Variants in CRTC1 observed in about 807,000 individuals in gnomAD.
CRTC1 encodes CREB-regulated transcription coactivator 1.
A neutral mutation model predicts 66.1 loss-of-function variants in CRTC1; 18 were observed. That is an observed-to-expected ratio of 0.27 (90% CI 0.19 to 0.40). CRTC1 has a LOEUF of 0.40. Among genes scored for constraint, CRTC1 ranks in the 10% least tolerant of loss-of-function variants. The probability of loss-of-function intolerance (pLI) is 1.00; values close to 1 mark genes in which losing one functional copy is unlikely to be tolerated. For missense variants in CRTC1, 669 were observed against 887.9 expected (o/e 0.75, Z 3.13); for synonymous variants, 416 against 398.8 (o/e 1.04, Z -0.51).
chr19:18,766,633 G>A (rs2054743517), intron 9 of CRTC1, among the ~76,000 whole-genome samples: 1 of 151,872 alleles, frequency 6.6e-6, no homozygotes, highest in South Asian at 2.1e-4. Context: ...TAATAATAGA[G>A]ATGGGGTTTT....
At position 18,689,564 on chromosome 19, in the gene CRTC1, C is replaced by CATATAT. The variant is rs10616884; in HGVS notation, c.126+5753_126+5758dup. Among the ~76,000 whole-genome samples the CATATAT allele has an allele frequency of 3.1e-3, 118 of 38,334 alleles. 2 individuals are homozygous for CATATAT. The highest frequency in any genetic ancestry group is 0.014 in the African/African-American group (48 of 3,534). The allele number at this position is 38,334 out of a possible 152,430, so 25.1% of individuals were successfully genotyped here. On this transcript the variant is annotated intron_variant, in intron 1 of 13. Coordinates refer to ENST00000321949, the MANE Select transcript of CRTC1 (RefSeq NM_015321.3). ...CATCTCAAAAAAAAAAATTGATGGCCATATATATATATATATATATATGTA... is the reference window on the plus strand; with the variant it reads ...CATCTCAAAAAAAAAAATTGATGGCCATATATATATATATATATATATATATATGTA...
rs2054099204 is a variant in CRTC1 at position 18,741,008 on chromosome 19, A to C, written c.127-1902A>C. Among the ~76,000 whole-genome samples, 1 of 152,204 alleles carries C rather than the reference A, an allele frequency of 6.6e-6. No homozygotes were observed. Among genetic ancestry groups the C allele is most frequent in the South Asian group, 2.1e-4 (1 of 4,832 alleles). On this transcript the variant is annotated intron_variant, in intron 1 of 13. Coordinates refer to ENST00000321949, the MANE Select transcript of CRTC1 (RefSeq NM_015321.3). This position sits in a 1 kb window ranked among gnomAD's most constrained non-coding sequence, Gnocchi z 4.2. ...CAACAGAGCGAGACTCCATCTCAAA[A>C]AAACAAACAAACAACAACAACAACA...
chr19:18,753,561 C>T lies in CRTC1; in HGVS notation c.600C>T (p.Ser200=). ...CATCAGAGGCAGACAAAAACCTTTC[C>T]AAGCAAGCATGGGACACCAAGAAGG... ...ETTSEADKNL[S]KQAWDTKKTG... is the part of the protein sequence containing the mutation. The change falls in exon 6 of 14, where the codon TCC becomes TCT. Residue 200 remains serine (S), a synonymous_variant. Coordinates refer to ENST00000321949, the MANE Select transcript of CRTC1 (RefSeq NM_015321.3). The T allele has an allele frequency of 6.2e-7, 1 of 1,612,488 alleles. No homozygotes were observed. Among genetic ancestry groups the T allele is most frequent in the South Asian group, 1.1e-5 (1 of 90,900 alleles).
At chr19:18,744,513 T>C (rs575500204) in intron 2 of CRTC1, among the ~76,000 whole-genome samples, 27 of 147,484 alleles carry the variant, frequency 1.8e-4, no homozygotes, top group African/African-American at 4.8e-4. Context: ...CACACACACA[T>C]ACACACACGT....
chr19:18,687,263 A>G (rs2052707202), intron 1 of CRTC1, among the ~76,000 whole-genome samples: 1 of 152,078 alleles, frequency 6.6e-6, no homozygotes, highest in Non-Finnish European at 1.5e-5. Context: ...ACCTCAGGTG[A>G]TCCGGCCACC....
At chr19:18,711,501 A>G (rs1407738991) in intron 1 of CRTC1, among the ~76,000 whole-genome samples, 1 of 152,104 alleles carries the variant, frequency 6.6e-6, no homozygotes, top group Admixed American at 6.5e-5. Context: ...ACTTAAAAGA[A>G]AAAAAAAGTA....
At chr19:18,764,223 A>C (rs1021916122) in intron 8 of CRTC1, among the ~76,000 whole-genome samples, 5 of 152,218 alleles carry the variant, frequency 3.3e-5, no homozygotes, top group Non-Finnish European at 4.4e-5. Flanking sequence ...GAACAAGGTT[A>C]ATCTGGTGCC....
In CRTC1 at chr19:18,771,336, C is replaced by CG; in HGVS notation, c.1321-100dup. The CG allele has an allele frequency of 1.1e-6, 1 of 892,272 alleles. No homozygotes were observed. The highest frequency in any genetic ancestry group is 1.7e-6 in the Non-Finnish European group (1 of 586,690). The allele number at this position is 892,272 out of a possible 1,614,324, so 55.3% of individuals were successfully genotyped here. A position where few individuals can be genotyped will look rare whatever the true frequency, so the allele number is the denominator to read the frequency against. ...GCGACCATCACCAAGGTGTGAGGGGCGGGGGGACCTGCCTGGGGGCTGATC... is the reference window on the plus strand; with the variant it reads ...GCGACCATCACCAAGGTGTGAGGGGCGGGGGGGACCTGCCTGGGGGCTGATC... On this transcript the variant is annotated intron_variant, in intron 10 of 13. Transcript: ENST00000321949. The surrounding 1 kb of genome is among the most constrained non-coding windows in gnomAD (Gnocchi z 4.6).
Position 18,747,127 on chromosome 19 carries a change from A to ACCCCCCCCCCCCCCCCCCCCCCC in CRTC1, c.443+14_443+15insCCCCCCCCCCCCCCCCCCCCCCC, listed in dbSNP as rs752727932. On this transcript the variant is annotated intron_variant, in intron 4 of 13. Coordinates refer to ENST00000321949, the MANE Select transcript of CRTC1 (RefSeq NM_015321.3). ...CCAGCTGGAGAAGGTCAGTGGCTGG[A>ACCCCCCCCCCCCCCCCCCCCCCC]CACCCCCCCCCCGCCCCCTTCTTGT... 7.2e-7 allele frequency: 1 copy of ACCCCCCCCCCCCCCCCCCCCCCC among 1,386,086 alleles called. No individual in the cohort carries two copies. Among genetic ancestry groups the ACCCCCCCCCCCCCCCCCCCCCCC allele is most frequent in the Non-Finnish European group, 9.9e-7 (1 of 1,006,148 alleles). The allele number at this position is 1,386,086 out of a possible 1,614,324, so 85.9% of individuals were successfully genotyped here.
chr19:18,770,488 G>A (rs1488434017), intron 10 of CRTC1, among the ~76,000 whole-genome samples: 1 of 152,268 alleles, frequency 6.6e-6, no homozygotes, highest in Non-Finnish European at 1.5e-5. Flanking sequence ...GGCTTAGAGA[G>A]CCAGGGGACC....
chr19:18,711,206 G>C (rs888902887), intron 1 of CRTC1, among the ~76,000 whole-genome samples: 7 of 152,314 alleles, frequency 4.6e-5, no homozygotes, highest in Middle Eastern at 3.4e-3. Flanking sequence ...GGAGGGGCCT[G>C]GGAGGACTTC....
At chr19:18,753,638 A>G (rs1176894031) in intron 6 of CRTC1, 53 bp downstream of exon 6, 7 of 1,387,474 alleles carry the variant, frequency 5.0e-6, no homozygotes, top group Non-Finnish European at 7.1e-6. Flanking sequence ...CTTCTCAAGC[A>G]TCACCTGGGC....
rs150941931 is a variant in CRTC1, at chr19:18,707,369, C to T, written c.126+23541C>T. 5.1e-3 allele frequency among the ~76,000 whole-genome samples: 774 copies of T among 152,254 alleles called. 8 individuals carry two copies. The highest frequency in any genetic ancestry group is 0.017 in the African/African-American group (712 of 41,550). On this transcript the variant is annotated intron_variant, in intron 1 of 13. Transcript: ENST00000321949. ...TTTGTTGAAAAGACTGTCCCTTCCC[C>T]GTTGAATGGTTTGGCACCCTTGTTG...
At position 18,750,686 on chromosome 19, in the gene CRTC1, C is replaced by T. The variant is rs535521077; in HGVS notation, c.538+811C>T. Among the ~76,000 whole-genome samples the T allele has an allele frequency of 7.2e-5, 11 of 152,208 alleles. No individual in the cohort carries two copies. In the South Asian group the frequency reaches 8.3e-4, roughly 11 times the overall value. ...CCGTTCACCGAGTGGGTGGTTAACA[C>T]GCAAGGGAGATTCTGCTGATAGGAG... On this transcript the variant is annotated intron_variant, in intron 5 of 13. Coordinates refer to ENST00000321949, the MANE Select transcript of CRTC1 (RefSeq NM_015321.3).
chr19:18,775,456 G>GGGTGGCGGGGAGGCCCCA (rs2054965800), intron 12 of CRTC1, among the ~76,000 whole-genome samples, 185 bp from the exon 13 acceptor site: 1 of 152,194 alleles, frequency 6.6e-6, no homozygotes, highest in African/African-American at 2.4e-5. Context: ...CCAGTCTCTA[G>GGGTGGCGGGGAGGCCCCA]GGTGGCGGGG....
chr19:18,716,841 C>T (rs1470329136), intron 1 of CRTC1, among the ~76,000 whole-genome samples: 1 of 151,878 alleles, frequency 6.6e-6, no homozygotes, highest in Non-Finnish European at 1.5e-5. Flanking sequence ...ACAGAAGAGG[C>T]GAGAGGGCAG....
rs530170188 is a variant in CRTC1 at position 18,720,530 on chromosome 19, T to G, written c.127-22380T>G. Among the ~76,000 whole-genome samples the G allele has an allele frequency of 3.1e-3, 466 of 148,372 alleles. 2 individuals are homozygous for G. The highest frequency in any genetic ancestry group is 0.01 in the African/African-American group (419 of 40,358). ...ACGCCCGGCTAATTTTTAGTGTTTT[T>G]TTTTTTTTTTTTTTTTTAGCAGAGA... On this transcript the variant is annotated intron_variant, in intron 1 of 13. Coordinates refer to ENST00000321949, the MANE Select transcript of CRTC1 (RefSeq NM_015321.3).
At chr19:18,753,380 C>T (rs934724755) in intron 5 of CRTC1, 120 bp from the exon 6 acceptor site, 2 of 681,432 alleles carry the variant, frequency 2.9e-6, no homozygotes, top group Non-Finnish European at 5.2e-6. Context: ...CCCGTTAGGA[C>T]AGTTGCAGTC....
intron 9 of CRTC1, 124 bp downstream of exon 9, chr19:18,765,652 CTT>C (rs1308419588): frequency 2.1e-6 from 2 of 939,582 alleles, no homozygotes; most frequent in Non-Finnish European, 3.0e-6. Context: ...GCTCCCAACA[CTT>C]TTAGTTTTTA....
Sources: allele counts gnomAD v4.1 joint callset (sites outside exome capture counted in the v4.1 genomes callset), GRCh38; gene constraint gnomAD v4.1.1; non-coding constraint Gnocchi (gnomAD v3.1); transcripts MANE v1.5; gene names NCBI Gene and HGNC (gene_info 2026-07-23, HGNC 2026-07-21).